Variants in OSR1 observed in about 807,000 individuals in gnomAD.
The protein encoded by OSR1 is odd-skipped related transcription factor 1.
In OSR1, 3 loss-of-function variants were observed where a neutral mutation model predicts 15.7. That is an observed-to-expected ratio of 0.19 (90% CI 0.09 to 0.50). The LOEUF (loss-of-function observed/expected upper bound fraction) is 0.50. Ranked by LOEUF, OSR1 falls within the 20% of genes least tolerant of loss-of-function variation. The pLI is 0.97. For synonymous variants in OSR1, 166 were observed against 152.7 expected, an observed-to-expected ratio of 1.09 and a Z score of -0.64; for missense variants, 271 against 351.1, an observed-to-expected ratio of 0.77 and a Z score of 1.82.
chr2:19,353,686 G>A lies in OSR1; in HGVS notation c.120C>T (p.Asn40=), dbSNP rs373968597. 64 of 1,614,114 alleles carry A rather than the reference G, an allele frequency of 4.0e-5. No homozygotes were observed. The highest frequency in any genetic ancestry group is 2.2e-5 in the Non-Finnish European group (26 of 1,180,052). ...LPTVPSDHLP[N]LYGFSALHAV... ...CGTGCAACGCGCTGAAACCATACAG[G>A]TTGGGCAGATGGTCCGAAGGCACTG... Residue 40 remains asparagine (N), a synonymous_variant, in exon 2 of 3, where the codon AAC becomes AAT. Transcript: ENST00000272223.
intron 1 of OSR1, chr2:19,355,591 T>A (rs1572261126): frequency 6.6e-6 from 1 of 152,260 alleles, no homozygotes; most frequent in African/African-American, 2.4e-5. Context: ...GAAAGAGGCC[T>A]TCCTGGGAAT....
At chr2:19,345,547 T>C in the OSR1 span, among the ~76,000 whole-genome samples, 1 of 152,152 alleles carries the variant, frequency 6.6e-6, no homozygotes, top group African/African-American at 2.4e-5. Flanking sequence ...CCAGCACCAT[T>C]TATTAAAAAG....
chr2:19,345,177 C>G, the OSR1 span, among the ~76,000 whole-genome samples: 1 of 152,074 alleles, frequency 6.6e-6, no homozygotes, highest in African/African-American at 2.4e-5. Flanking sequence ...GTAAAGAAAT[C>G]AAGACATTAA....
Position 19,352,027 on chromosome 2 carries a change from C to T in OSR1, c.*248G>A, listed in dbSNP as rs1055863196. 2 of 384,904 alleles carry T rather than the reference C, an allele frequency of 5.2e-6. No homozygotes were observed. The highest frequency in any genetic ancestry group is 4.4e-5 in the Admixed American group (1 of 22,920). The allele number at this position is 384,904 out of a possible 1,614,324, so 23.8% of individuals were successfully genotyped here. A position where few individuals can be genotyped will look rare whatever the true frequency, so the allele number is the denominator to read the frequency against. Reference sequence around the variant, plus strand: ...TTCTTTTTTTAATGCAGTTTCCCTTCCGCCACGTGAGTACCGCCTTTTGGC... The same window carrying T: ...TTCTTTTTTTAATGCAGTTTCCCTTTCGCCACGTGAGTACCGCCTTTTGGC... On this transcript the variant is annotated 3_prime_UTR_variant, in exon 3 of 3. Transcript: ENST00000272223.
chr2:19,349,583 T>G (rs1356298562), downstream of OSR1, among the ~76,000 whole-genome samples: 1 of 152,064 alleles, frequency 6.6e-6, no homozygotes, highest in African/African-American at 2.4e-5. Flanking sequence ...GGAGGTGGGG[T>G]GACCCAAAAA....
At chr2:19,351,349 A>G (rs1007109002), downstream of OSR1, 1 of 152,534 alleles carries the variant, frequency 6.6e-6, no homozygotes, top group African/African-American at 2.4e-5. Context: ...TGCTCCACAC[A>G]TCTCAGCCCT....
chr2:19,348,143 A>C (rs996954502), downstream of OSR1, among the ~76,000 whole-genome samples: 8 of 152,088 alleles, frequency 5.3e-5, no homozygotes, highest in African/African-American at 1.9e-4. Flanking sequence ...CGCCGCGGCA[A>C]CTGCTGCCCT....
rs1664966310 is a variant in OSR1, at chr2:19,357,149, C to T, written c.-33+1192G>A. The stretch of plus-strand genomic sequence containing the variant: ...GGCTGCACTTAAATGTCCGCTGCGT[C>T]CTCGGTGATCCATTCCCCAATCTTA... On this transcript the variant is annotated intron_variant, in intron 1 of 2. Coordinates refer to ENST00000272223, the MANE Select transcript of OSR1 (RefSeq NM_145260.3). This position sits in a 1 kb window ranked among gnomAD's most constrained non-coding sequence, Gnocchi z 5.0. 6.6e-6 allele frequency among the ~76,000 whole-genome samples: 1 copy of T among 152,186 alleles called. No homozygotes were observed. Among genetic ancestry groups the T allele is most frequent in the Non-Finnish European group, 1.5e-5 (1 of 68,044 alleles).
rs145664348 is a variant in OSR1 at position 19,357,190 on chromosome 2, C to A, written c.-33+1151G>T. ...CCCAATCTTAATAAAACAGCAATTA[C>A]CTCGAGGAGCCTGGGATGGAACATC... On this transcript the variant is annotated intron_variant, in intron 1 of 2. Coordinates refer to ENST00000272223, the MANE Select transcript of OSR1 (RefSeq NM_145260.3). This position sits in a 1 kb window ranked among gnomAD's most constrained non-coding sequence, Gnocchi z 5.0. Among the ~76,000 whole-genome samples the A allele has an allele frequency of 7.9e-5, 12 of 152,250 alleles. No individual in the cohort carries two copies. In the East Asian group the frequency reaches 2.1e-3, roughly 27 times the overall value.
chr2:19,356,549 A>T (rs1664953439), intron 1 of OSR1: 3 of 152,266 alleles, frequency 2.0e-5, no homozygotes, highest in Admixed American at 2.0e-4. Context: ...TAGCCTCTCC[A>T]GCCAGAAAGG....
Sources: allele counts gnomAD v4.1 joint callset (sites outside exome capture counted in the v4.1 genomes callset), GRCh38; gene constraint gnomAD v4.1.1; non-coding constraint Gnocchi (gnomAD v3.1); transcripts MANE v1.5; gene names NCBI Gene and HGNC (gene_info 2026-07-23, HGNC 2026-07-21).